Variants in SLC22A15 observed in about 807,000 individuals in gnomAD.
SLC22A15 encodes solute carrier family 22 member 15.
Under a neutral mutation model 62.7 loss-of-function variants are expected in SLC22A15, and 45 were observed. That is an observed-to-expected ratio of 0.72 (90% CI 0.56 to 0.92). SLC22A15 has a LOEUF of 0.92. SLC22A15 is among the 40% of genes least tolerant of loss of function. The probability of loss-of-function intolerance (pLI) is 0.00; values close to 1 mark genes in which losing one functional copy is unlikely to be tolerated. For missense variants in SLC22A15, 622 were observed against 665.6 expected (o/e 0.93, Z 0.72); for synonymous variants, 264 against 267.0 (o/e 0.99, Z 0.11).
At chr1:116,057,953 T>A (rs1481843025) in intron 8 of SLC22A15, among the ~76,000 whole-genome samples, 1 of 151,962 alleles carries the variant, frequency 6.6e-6, no homozygotes, top group Non-Finnish European at 1.5e-5. Flanking sequence ...ATATACCTAA[T>A]GCTAAATGAC....
intron 3 of SLC22A15, among the ~76,000 whole-genome samples, chr1:116,020,318 C>T (rs1272996998): frequency 6.6e-5 from 10 of 150,400 alleles, no homozygotes; most frequent in African/African-American, 1.7e-4. Flanking sequence ...TTTGGGAGGC[C>T]GAGGTGGGTG....
chr1:116,042,036 G>A (rs189642552), intron 8 of SLC22A15, among the ~76,000 whole-genome samples: 3 of 151,458 alleles, frequency 2.0e-5, no homozygotes, highest in Admixed American at 6.6e-5. Flanking sequence ...ACTGCATCAC[G>A]GAACAAAGAC....
chr1:115,996,858 C>T (rs891416865), intron 2 of SLC22A15, among the ~76,000 whole-genome samples: 3 of 151,530 alleles, frequency 2.0e-5, no homozygotes, highest in Non-Finnish European at 2.9e-5. Context: ...TCTAAGTTGT[C>T]GCTTATTAAT....
Position 116,062,684 on chromosome 1 carries a change from T to C in SLC22A15, c.1172-78T>C, listed in dbSNP as rs1036993037. 4 of 1,552,288 alleles carry C rather than the reference T, an allele frequency of 2.6e-6. No homozygotes were observed. In the South Asian group the frequency reaches 4.6e-5, roughly 18 times the overall value. On this transcript the variant is annotated intron_variant, in intron 8 of 11. Coordinates refer to ENST00000369503, the MANE Select transcript of SLC22A15 (RefSeq NM_018420.3). ...TGAGATCAACATGAATGCCACCTGC[T>C]CCATCAAAATGAAATGTGCCATTTA...
chr1:116,052,676 C>A (rs1223273476), intron 8 of SLC22A15, among the ~76,000 whole-genome samples: 1 of 152,186 alleles, frequency 6.6e-6, no homozygotes, highest in Non-Finnish European at 1.5e-5. Flanking sequence ...CAGACTGACA[C>A]CTCACACGGC....
intron 6 of SLC22A15, chr1:116,032,465 G>T (rs772686933): frequency 2.7e-5 from 27 of 985,226 alleles, no homozygotes; most frequent in Non-Finnish European, 3.3e-5. Flanking sequence ...TTTCATGCAG[G>T]GATAAAGGAA....
At chr1:115,994,634 A>G (rs1489046324) in intron 2 of SLC22A15, among the ~76,000 whole-genome samples, 2 of 152,214 alleles carry the variant, frequency 1.3e-5, no homozygotes, top group African/African-American at 4.8e-5. Flanking sequence ...TATTGTTACT[A>G]GTTTGCCTCA....
chr1:116,000,338 A>G (rs1393744757), intron 2 of SLC22A15, among the ~76,000 whole-genome samples: 7 of 152,154 alleles, frequency 4.6e-5, no homozygotes, highest in Admixed American at 2.0e-4. Context: ...TGACAATTTA[A>G]CTCTGCAAAA....
At chr1:116,022,830 C>T (rs1221952918) in intron 4 of SLC22A15, among the ~76,000 whole-genome samples, 1 of 152,172 alleles carries the variant, frequency 6.6e-6, no homozygotes, top group Non-Finnish European at 1.5e-5. Flanking sequence ...AAATTGAGAG[C>T]ATGTATGAGA....
chr1:116,013,228 T>C (rs1656361753), intron 2 of SLC22A15, among the ~76,000 whole-genome samples: 2 of 152,188 alleles, frequency 1.3e-5, no homozygotes, highest in Admixed American at 1.3e-4. Flanking sequence ...CTTCTCCCTG[T>C]TGTTCCCCAA....
At chr1:116,000,824 G>A (rs1057284521) in intron 2 of SLC22A15, among the ~76,000 whole-genome samples, 8 of 151,626 alleles carry the variant, frequency 5.3e-5, no homozygotes, top group Non-Finnish European at 1.0e-4. Flanking sequence ...AGTAGAGACG[G>A]GGTTTCACTG....
intron 2 of SLC22A15, among the ~76,000 whole-genome samples, chr1:115,998,286 T>C (rs1283947853): frequency 6.6e-6 from 1 of 152,166 alleles, no homozygotes; most frequent in East Asian, 1.9e-4. Context: ...GTCAGGGTAA[T>C]ACTGGCCTCG....
chr1:116,030,754 G>A (rs1007455727), intron 5 of SLC22A15, among the ~76,000 whole-genome samples: 6 of 152,106 alleles, frequency 3.9e-5, no homozygotes, highest in Non-Finnish European at 7.4e-5. Flanking sequence ...AGTGTGTCAG[G>A]TGATTTGAGT....
chr1:116,062,743 T>C lies in SLC22A15; in HGVS notation c.1172-19T>C. ...GTTTCAACTGTGGGTCTCACAGGCA[T>C]TGCCCTTGTCCTCCTCAGACACAGG... On this transcript the variant is annotated intron_variant, in intron 8 of 11. Coordinates refer to ENST00000369503, the MANE Select transcript of SLC22A15 (RefSeq NM_018420.3). 1 of 1,613,584 alleles carries C rather than the reference T, an allele frequency of 6.2e-7. No individual in the cohort carries two copies. The highest frequency in any genetic ancestry group is 8.5e-7 in the Non-Finnish European group (1 of 1,179,602).
chr1:116,046,569 G>C (rs546156803), intron 8 of SLC22A15, among the ~76,000 whole-genome samples: 75 of 152,280 alleles, frequency 4.9e-4, no homozygotes, highest in Non-Finnish European at 9.9e-4. Flanking sequence ...TTGCTGCTCT[G>C]ACTCAGATGA....
intron 2 of SLC22A15, among the ~76,000 whole-genome samples, chr1:115,999,568 A>T (rs1655610998): frequency 6.8e-6 from 1 of 147,602 alleles, no homozygotes; most frequent in South Asian, 2.1e-4. Context: ...CAGTGGCATG[A>T]TCTCAGCTTA....
At position 115,992,914 on chromosome 1, in the gene SLC22A15, C is replaced by T. The variant is rs575833047; in HGVS notation, c.300+671C>T. On this transcript the variant is annotated intron_variant, in intron 2 of 11. Coordinates refer to ENST00000369503, the MANE Select transcript of SLC22A15 (RefSeq NM_018420.3). ...TGCTGGGATTACAGGCATGAGCCACCGCGCCTGGCCTATAGTTCATTTTTA... is the reference window on the plus strand; with the variant it reads ...TGCTGGGATTACAGGCATGAGCCACTGCGCCTGGCCTATAGTTCATTTTTA... Among the ~76,000 whole-genome samples the T allele has an allele frequency of 9.1e-4, 138 of 152,178 alleles. 1 individual carries two copies. Among genetic ancestry groups the T allele is most frequent in the Non-Finnish European group, 9.4e-4 (64 of 67,994 alleles).
intron 8 of SLC22A15, among the ~76,000 whole-genome samples, chr1:116,062,488 A>C (rs1557910456): frequency 1.3e-5 from 2 of 152,216 alleles, no homozygotes; most frequent in Admixed American, 6.5e-5. Flanking sequence ...ACAGTACAGA[A>C]GTTTTCAGGG....
chr1:115,976,760 C>T (rs1238364283), intron 1 of SLC22A15, 46 bp downstream of exon 1: 6 of 1,462,276 alleles, frequency 4.1e-6, no homozygotes, highest in South Asian at 3.5e-5. Context: ...TTCAGGGCCG[C>T]CCGGCGCAGG....
Sources: gnomAD v4.1 joint callset for allele counts (sites outside exome capture counted in the v4.1 genomes callset) on GRCh38, gnomAD v4.1.1 for gene constraint, MANE v1.5 for transcripts, NCBI Gene and HGNC (gene_info 2026-07-23, HGNC 2026-07-21) for gene names.